RAP1A: variants seen among roughly 807,000 people sequenced by gnomAD.
RAP1A encodes ras-related protein Rap-1A.
A neutral mutation model predicts 26.4 loss-of-function variants in RAP1A; 6 were observed. The ratio of observed to expected loss-of-function variants is 0.23; its 90% CI spans 0.12 to 0.45. RAP1A has a LOEUF of 0.45. RAP1A is among the 20% of genes least tolerant of loss of function. The pLI is 0.99. For synonymous variants in RAP1A, 73 were observed against 79.4 expected, an observed-to-expected ratio of 0.92 and a Z score of 0.43; for missense variants, 121 against 217.2, an observed-to-expected ratio of 0.56 and a Z score of 2.78.
At chr1:111,687,488 G>A (rs943912874) in intron 1 of RAP1A, among the ~76,000 whole-genome samples, 15 of 152,138 alleles carry the variant, frequency 9.9e-5, no homozygotes, top group African/African-American at 2.7e-4. Flanking sequence ...GATTATAGGC[G>A]TGAGCCACCA....
chr1:111,557,206 A>G (rs989272539), intron 1 of RAP1A, among the ~76,000 whole-genome samples: 8 of 152,322 alleles, frequency 5.3e-5, no homozygotes, highest in African/African-American at 1.7e-4. Flanking sequence ...CATTTCTTCA[A>G]AAGACTGAAA....
rs1176044784 is a variant in RAP1A, at chr1:111,651,498, A to G, written c.-28+31564A>G. 4.8e-5 allele frequency among the ~76,000 whole-genome samples: 6 copies of G among 125,442 alleles called. No individual in the cohort carries two copies. In the East Asian group the frequency reaches 1.4e-3, roughly 30 times the overall value. 82.3% of individuals were successfully genotyped at this position (125,442 alleles called of 152,430 possible). A position where few individuals can be genotyped will look rare whatever the true frequency, so the allele number is the denominator to read the frequency against. On this transcript the variant is annotated intron_variant, in intron 1 of 7. Coordinates refer to ENST00000369709, the MANE Select transcript of RAP1A (RefSeq NM_002884.4). ...ATTTTTTTTTTTTTTTTTTTTTTAG[A>G]CAGAGTCTCGCTCTGTTACCCAGGC... is the stretch of plus-strand genomic sequence containing the variant.
At chr1:111,617,280 C>T (rs1443332522), upstream of RAP1A, among the ~76,000 whole-genome samples, 2 of 152,188 alleles carry the variant, frequency 1.3e-5, no homozygotes, top group African/African-American at 2.4e-5. Context: ...TCTGCTTCTG[C>T]ACCCAGACAC....
intron 1 of RAP1A, among the ~76,000 whole-genome samples, chr1:111,561,985 C>T: frequency 6.6e-6 from 1 of 152,124 alleles, no homozygotes; most frequent in East Asian, 1.9e-4. Flanking sequence ...TAAATTTCTG[C>T]TTACGATAGA....
chr1:111,589,700 G>T (rs1658434867), intron 1 of RAP1A, among the ~76,000 whole-genome samples: 1 of 151,958 alleles, frequency 6.6e-6, no homozygotes, highest in Admixed American at 6.6e-5. Flanking sequence ...CCAGTTTTAT[G>T]TATTTATTTA....
intron 1 of RAP1A, among the ~76,000 whole-genome samples, chr1:111,612,353 C>T (rs1304756754): frequency 6.6e-6 from 1 of 152,134 alleles, no homozygotes; most frequent in Admixed American, 6.5e-5. Context: ...TTCCAGACAA[C>T]AGTGTTCACA....
chr1:111,704,281 T>C, intron 5 of RAP1A, 62 bp from the exon 6 acceptor site: 1 of 1,533,310 alleles, frequency 6.5e-7, no homozygotes, highest in Non-Finnish European at 8.9e-7. Context: ...GCTTATTTAT[T>C]TTTTTAAAAG....
At chr1:111,645,924 G>C (rs1660051080) in intron 1 of RAP1A, among the ~76,000 whole-genome samples, 2 of 152,228 alleles carry the variant, frequency 1.3e-5, no homozygotes, top group African/African-American at 4.8e-5. Flanking sequence ...AGGACTTAGG[G>C]CTCAAAGCTG....
chr1:111,627,269 AT>A (rs1278146661), intron 1 of RAP1A, among the ~76,000 whole-genome samples: 14 of 151,434 alleles, frequency 9.2e-5, no homozygotes, highest in Non-Finnish European at 2.1e-4. Flanking sequence ...TTTTTTATTT[AT>A]TTTTTTTACG....
intron 1 of RAP1A, among the ~76,000 whole-genome samples, chr1:111,554,014 T>G (rs572000100): frequency 2.0e-4 from 31 of 152,346 alleles, no homozygotes; most frequent in African/African-American, 7.2e-4. Flanking sequence ...AAAGCAGAAA[T>G]GGAATGTGAC....
chr1:111,709,097 C>A, intron 6 of RAP1A, 52 bp from the exon 7 acceptor site: 1 of 1,565,948 alleles, frequency 6.4e-7, no homozygotes, highest in Non-Finnish European at 8.6e-7. Context: ...TTTTGTGGAA[C>A]AAAGTCTCAA....
At chr1:111,615,335 C>G (rs1658994211), upstream of RAP1A, among the ~76,000 whole-genome samples, 1 of 151,512 alleles carries the variant, frequency 6.6e-6, no homozygotes, top group South Asian at 2.1e-4. Context: ...GGCAACCAAG[C>G]AGGAGACCAA....
At chr1:111,679,585 G>A (rs1192480495) in intron 1 of RAP1A, among the ~76,000 whole-genome samples, 1 of 152,054 alleles carries the variant, frequency 6.6e-6, no homozygotes, top group Non-Finnish European at 1.5e-5. Context: ...CTGGAAAGGG[G>A]GCTGAAGCCA....
At chr1:111,662,597 A>G (rs1485239832) in intron 1 of RAP1A, among the ~76,000 whole-genome samples, 1 of 152,182 alleles carries the variant, frequency 6.6e-6, no homozygotes, top group Non-Finnish European at 1.5e-5. Flanking sequence ...GAGAGATTTG[A>G]TGCTCTTATA....
At chr1:111,688,808 G>GTTTTTTTTTTTTTTTTTTTTTTTTTT (rs753016302) in intron 1 of RAP1A, among the ~76,000 whole-genome samples, 1 of 124,182 alleles carries the variant, frequency 8.1e-6, no homozygotes, top group African/African-American at 2.8e-5. Context: ...TTTTGTTTTT[G>GTTTTTTTTTTTTTTTTTTTTTTTTTT]TTTTTTTTTT....
At position 111,716,537 on chromosome 1, in the gene RAP1A, G is replaced by GGAT. The variant is rs1287696711; in HGVS notation, c.*4141_*4143dup. ...TTAATGAGCTTTAAATGGGAATTGG[G>GGAT]GATGATGTATGTTCGTTGGGCATGC... On this transcript the variant is annotated 3_prime_UTR_variant, in exon 8 of 8. Transcript: ENST00000369709. 6.6e-6 allele frequency: 1 copy of GGAT among 152,140 alleles called. No individual in the cohort carries two copies. The highest frequency in any genetic ancestry group is 1.5e-5 in the Non-Finnish European group (1 of 68,028). The allele number at this position is 152,140 out of a possible 1,614,324, so 9.4% of individuals were successfully genotyped here. A position where few individuals can be genotyped will look rare whatever the true frequency, so the allele number is the denominator to read the frequency against.
In RAP1A at chr1:111,646,439, A is replaced by C. The variant is rs1017964459; in HGVS notation, c.-28+26505A>C. Among the ~76,000 whole-genome samples, 10 of 138,564 alleles carry C rather than the reference A, an allele frequency of 7.2e-5. No homozygotes were observed. The East Asian group carries it at 2.2e-3, about 31-fold the overall frequency. 90.9% of individuals were successfully genotyped at this position (138,564 alleles called of 152,430 possible). A position where few individuals can be genotyped will look rare whatever the true frequency, so the allele number is the denominator to read the frequency against. ...TTTTTGTAAAAAAAAAAAAAACAAA[A>C]CAAAACCTCAATTCCCAAATTATAA... On this transcript the variant is annotated intron_variant, in intron 1 of 7. Transcript: ENST00000369709.
intron 1 of RAP1A, among the ~76,000 whole-genome samples, chr1:111,684,334 A>G (rs549337515): frequency 1.1e-3 from 168 of 152,324 alleles, no homozygotes; most frequent in Admixed American, 3.0e-3. Flanking sequence ...AGGGTATTCA[A>G]ACAGGAAGAG....
intron 1 of RAP1A, among the ~76,000 whole-genome samples, chr1:111,628,266 A>G (rs920246394): frequency 1.3e-5 from 2 of 152,202 alleles, no homozygotes; most frequent in Non-Finnish European, 2.9e-5. Context: ...TGTTTACATG[A>G]ATAAATACTG....
Sources: allele counts gnomAD v4.1 joint callset (sites outside exome capture counted in the v4.1 genomes callset), GRCh38; gene constraint gnomAD v4.1.1; transcripts MANE v1.5; gene names NCBI Gene and HGNC (gene_info 2026-07-23, HGNC 2026-07-21).